WDR7: variants seen among roughly 807,000 people sequenced by gnomAD.
WDR7 encodes the protein WD repeat-containing protein 7.
Under a neutral mutation model 169.4 loss-of-function variants are expected in WDR7, and 46 were observed. The ratio of observed to expected loss-of-function variants is 0.27; its 90% CI spans 0.21 to 0.35. WDR7 has a LOEUF of 0.35. Ranked by LOEUF, WDR7 falls within the 10% of genes least tolerant of loss-of-function variation. WDR7 has a pLI of 1.00. For synonymous variants in WDR7, 612 were observed against 666.8 expected, an observed-to-expected ratio of 0.92 and a Z score of 1.27; for missense variants, 1,534 against 1,859.3, an observed-to-expected ratio of 0.83 and a Z score of 3.22.
intron 1 of WDR7, among the ~76,000 whole-genome samples, chr18:56,666,201 C>CTTTTTTTTTTTTTTTTTTTTTTTT (rs71169386): frequency 9.9e-6 from 1 of 100,978 alleles, no homozygotes. Context: ...ATTCCTTCGT[C>CTTTTTTTTTTTTTTTTTTTTTTTT]TTTTTTTTTT....
In WDR7 at chr18:56,691,808, A is replaced by C. The variant is rs1432485257; in HGVS notation, c.957A>C (p.Lys319Asn). The C allele has an allele frequency of 6.2e-6, 10 of 1,606,468 alleles. No homozygotes were observed. Among genetic ancestry groups the C allele is most frequent in the Non-Finnish European group, 8.5e-6 (10 of 1,177,264 alleles). Residue 319 changes from lysine (K) to asparagine (N), a missense_variant, in exon 9 of 28, where the codon AAA becomes AAC. Coordinates refer to ENST00000254442, the MANE Select transcript of WDR7 (RefSeq NM_015285.3). ...PPVQHILLDRKDKELLICPPV... is the reference protein window; with the variant it reads ...PPVQHILLDRNDKELLICPPV... ...TACAACATATCCTCTTGGATCGAAA[A>C]GATAAAGAGGTAAAATTCTTGAGGT...
At chr18:56,954,717 T>A (rs2047228514) in intron 25 of WDR7, among the ~76,000 whole-genome samples, 1 of 152,142 alleles carries the variant, frequency 6.6e-6, no homozygotes, top group South Asian at 2.1e-4. Context: ...TAAAATTGGA[T>A]ATATATTAGA....
chr18:56,812,967 G>A (rs564774618), intron 19 of WDR7, among the ~76,000 whole-genome samples: 2 of 149,104 alleles, frequency 1.3e-5, no homozygotes, highest in South Asian at 2.2e-4. Context: ...AATCATAGGT[G>A]GGAATTGAAC....
intron 14 of WDR7, among the ~76,000 whole-genome samples, chr18:56,744,955 G>A (rs2043679978): frequency 1.3e-5 from 2 of 152,156 alleles, no homozygotes; most frequent in Non-Finnish European, 2.9e-5. Context: ...AGGTTGAGTG[G>A]AGTGGAAGTT....
chr18:56,917,441 G>A (rs2046644209), intron 21 of WDR7, among the ~76,000 whole-genome samples: 1 of 152,178 alleles, frequency 6.6e-6, no homozygotes, highest in East Asian at 1.9e-4. Context: ...TTCAATAAAT[G>A]TAGCGTGCGT....
At chr18:56,941,963 C>A (rs1196724522) in intron 25 of WDR7, among the ~76,000 whole-genome samples, 3 of 152,150 alleles carry the variant, frequency 2.0e-5, no homozygotes, top group Admixed American at 6.5e-5. Context: ...CATCCATGAT[C>A]CTGAACTAGA....
chr18:56,842,489 G>C (rs1269047633), intron 20 of WDR7, among the ~76,000 whole-genome samples: 1 of 152,152 alleles, frequency 6.6e-6, no homozygotes, highest in Non-Finnish European at 1.5e-5. Flanking sequence ...TCAAACAATA[G>C]CAAGGACTGA....
chr18:56,787,342 A>T (rs1456048314), intron 19 of WDR7, among the ~76,000 whole-genome samples: 2 of 152,166 alleles, frequency 1.3e-5, no homozygotes, highest in African/African-American at 4.8e-5. Flanking sequence ...CTCCTCTTTT[A>T]GTTTCAGAAA....
intron 12 of WDR7, among the ~76,000 whole-genome samples, chr18:56,717,597 C>A (rs1289703214): frequency 6.6e-6 from 1 of 152,194 alleles, no homozygotes; most frequent in Non-Finnish European, 1.5e-5. Flanking sequence ...GCAGCTCCCA[C>A]AGCAAACAAA....
chr18:56,888,858 A>C (rs1255650045), intron 21 of WDR7, among the ~76,000 whole-genome samples: 1 of 152,112 alleles, frequency 6.6e-6, no homozygotes, highest in Non-Finnish European at 1.5e-5. Flanking sequence ...ATCAATGTCT[A>C]TCTTAAGGGG....
chr18:56,861,284 T>C (rs930093813), intron 20 of WDR7, among the ~76,000 whole-genome samples: 1 of 152,202 alleles, frequency 6.6e-6, no homozygotes, highest in Non-Finnish European at 1.5e-5. Context: ...TTCAACTTGA[T>C]TCGTGGTGAT....
At chr18:56,669,120 GCCCA>G (rs1183221858) in intron 1 of WDR7, among the ~76,000 whole-genome samples, 5 of 151,948 alleles carry the variant, frequency 3.3e-5, no homozygotes, top group Admixed American at 6.6e-5. Flanking sequence ...CTGATTGTAG[GCCCA>G]GTGTTCTTTC....
At chr18:56,652,244 A>C (rs183547600) in intron 1 of WDR7, among the ~76,000 whole-genome samples, 1 of 152,306 alleles carries the variant, frequency 6.6e-6, no homozygotes, top group Admixed American at 6.5e-5. Flanking sequence ...ATAGTCTGAA[A>C]CTAGGGAACC....
At chr18:56,834,239 A>C (rs939770591) in intron 20 of WDR7, among the ~76,000 whole-genome samples, 1 of 152,190 alleles carries the variant, frequency 6.6e-6, no homozygotes, top group Admixed American at 6.5e-5. Flanking sequence ...AAACCTAATC[A>C]TGAGAGTGCT....
chr18:56,765,887 C>T (rs907448081), intron 16 of WDR7, among the ~76,000 whole-genome samples: 1 of 152,118 alleles, frequency 6.6e-6, no homozygotes, highest in Non-Finnish European at 1.5e-5. Flanking sequence ...TACACATGTG[C>T]CATGTTGTTT....
intron 1 of WDR7, among the ~76,000 whole-genome samples, chr18:56,655,882 G>A (rs1187227616): frequency 6.6e-6 from 1 of 152,172 alleles, no homozygotes; most frequent in African/African-American, 2.4e-5. Flanking sequence ...ATTGTTGAAT[G>A]AGACAGTTCT....
chr18:56,717,871 T>G (rs1256086964), intron 12 of WDR7, 93 bp from the exon 13 acceptor site: 4 of 1,254,924 alleles, frequency 3.2e-6, no homozygotes, highest in Non-Finnish European at 3.2e-6. Context: ...TGGCAGCAAA[T>G]GTATAATTAA....
rs868764940 is a variant in WDR7 at position 56,682,669 on chromosome 18, A to G, written c.346-10A>G. ...CTCAGAAATCTTTTTTCCTTTTGGC[A>G]TGAATGTAGTTCTACCAGTTCTCTG... On this transcript the variant is annotated splice_polypyrimidine_tract_variant and intron_variant, in intron 4 of 27. Coordinates refer to ENST00000254442, the MANE Select transcript of WDR7 (RefSeq NM_015285.3). 2.5e-6 allele frequency: 4 copies of G among 1,604,146 alleles called. No homozygotes were observed. The highest frequency in any genetic ancestry group is 2.5e-6 in the Non-Finnish European group (3 of 1,176,888).
chr18:56,710,167 C>T (rs552766216), intron 12 of WDR7, among the ~76,000 whole-genome samples: 11 of 151,944 alleles, frequency 7.2e-5, no homozygotes, highest in African/African-American at 2.7e-4. Context: ...GCATGCCTGG[C>T]TAATTTTTTG....
Sources: gnomAD v4.1 joint callset for allele counts (sites outside exome capture counted in the v4.1 genomes callset) on GRCh38, gnomAD v4.1.1 for gene constraint, MANE v1.5 for transcripts, NCBI Gene and HGNC (gene_info 2026-07-23, HGNC 2026-07-21) for gene names.